Variants in GOSR1 observed in about 807,000 individuals in gnomAD.
The protein encoded by GOSR1 is golgi SNAP receptor complex member 1.
Under a neutral mutation model 35.5 loss-of-function variants are expected in GOSR1, and 21 were observed. The observed-to-expected ratio is 0.59, with a 90% CI of 0.42 to 0.85. The LOEUF is 0.85. Ranked by LOEUF, GOSR1 falls within the 40% of genes least tolerant of loss-of-function variation. The pLI is 0.00. For missense variants in GOSR1, 285 were observed against 309.6 expected, an observed-to-expected ratio of 0.92 and a Z score of 0.60; for synonymous variants, 94 against 106.6, an observed-to-expected ratio of 0.88 and a Z score of 0.73.
intron 7 of GOSR1, among the ~76,000 whole-genome samples, chr17:30,517,534 A>G (rs1967867140): frequency 1.3e-5 from 2 of 152,168 alleles, no homozygotes; most frequent in East Asian, 3.9e-4. Flanking sequence ...TAATAACCAA[A>G]GTATGGTTAT....
chr17:30,505,264 G>A (rs1967358207), intron 6 of GOSR1, among the ~76,000 whole-genome samples: 1 of 152,172 alleles, frequency 6.6e-6, no homozygotes, highest in Non-Finnish European at 1.5e-5. Flanking sequence ...GCCGGGTGTG[G>A]TGGCTTATGC....
At chr17:30,499,132 A>G (rs1406899120) in intron 6 of GOSR1, among the ~76,000 whole-genome samples, 1 of 152,130 alleles carries the variant, frequency 6.6e-6, no homozygotes, top group African/African-American at 2.4e-5. Context: ...CACCTAGCAT[A>G]GTGTTTCTAA....
chr17:30,495,599 A>G (rs1209803602), intron 6 of GOSR1: 12 of 330,232 alleles, frequency 3.6e-5, no homozygotes, highest in South Asian at 2.6e-4. Context: ...CACCTTAGCA[A>G]TCTTCTGCAT....
intron 6 of GOSR1, among the ~76,000 whole-genome samples, chr17:30,501,439 G>A (rs767908964): frequency 6.6e-6 from 1 of 151,992 alleles, no homozygotes; most frequent in Non-Finnish European, 1.5e-5. Flanking sequence ...CTCATTGCTG[G>A]TGTGAATGCA....
intron 1 of GOSR1, chr17:30,479,104 T>A (rs1282378905): frequency 6.6e-6 from 1 of 152,280 alleles, no homozygotes; most frequent in Admixed American, 6.5e-5. Context: ...AGTCAGTAAG[T>A]GGCTGTGCCG....
At chr17:30,486,213 C>T (rs1914673938) in intron 4 of GOSR1, among the ~76,000 whole-genome samples, 1 of 151,858 alleles carries the variant, frequency 6.6e-6, no homozygotes, top group African/African-American at 2.4e-5. Context: ...TGCAATTAGA[C>T]AGTAAAAAGA....
chr17:30,527,261 TAGG>T lies in GOSR1; in HGVS notation c.*4888_*4890del, dbSNP rs896831726. On this transcript the variant is annotated 3_prime_UTR_variant, in exon 9 of 9. Transcript: ENST00000451249. ...GTCCCAGCTACTCGGAAGGCTGAGGTAGGAGGATCATGAGCCCAGGAGGTCAAG... is the reference window on the plus strand; with the variant it reads ...GTCCCAGCTACTCGGAAGGCTGAGGTAGGATCATGAGCCCAGGAGGTCAAG... 42 of 152,124 alleles carry T rather than the reference TAGG, an allele frequency of 2.8e-4. No homozygotes were observed. The highest frequency in any genetic ancestry group is 9.4e-4 in the African/African-American group (39 of 41,474). 9.4% of individuals were successfully genotyped at this position (152,124 alleles called of 1,614,324 possible).
intron 6 of GOSR1, among the ~76,000 whole-genome samples, chr17:30,498,959 C>T (rs1316139511): frequency 6.6e-6 from 1 of 152,208 alleles, no homozygotes; most frequent in Non-Finnish European, 1.5e-5. Context: ...CACAGTAAGA[C>T]AGAGAACATT....
intron 6 of GOSR1, among the ~76,000 whole-genome samples, chr17:30,504,026 CTTT>C (rs535749512): frequency 1.4e-4 from 19 of 137,164 alleles, no homozygotes; most frequent in Admixed American, 2.2e-4. Flanking sequence ...TTTCATTTAA[CTTT>C]TTTTTTTTTT....
In GOSR1 at chr17:30,523,400, TGA is replaced by T. The variant is rs1451034481; in HGVS notation, c.*1024_*1025del. 6.1e-6 allele frequency: 1 copy of T among 164,856 alleles called. No homozygotes were observed. The highest frequency in any genetic ancestry group is 1.2e-5 in the Non-Finnish European group (1 of 80,514). 10.2% of individuals were successfully genotyped at this position (164,856 alleles called of 1,614,324 possible). A position where few individuals can be genotyped will look rare whatever the true frequency, so the allele number is the denominator to read the frequency against. On this transcript the variant is annotated 3_prime_UTR_variant, in exon 9 of 9. Transcript: ENST00000451249. ...CTGTCTGGCCACCCCGTCTGAGAAG[TGA>T]GGAGACCTCCGCCCGGCAGCCGCCC...
chr17:30,496,758 AT>A (rs1203337497), intron 6 of GOSR1, among the ~76,000 whole-genome samples: 2 of 152,224 alleles, frequency 1.3e-5, no homozygotes, highest in Non-Finnish European at 2.9e-5. Context: ...AATTGGTAAA[AT>A]TATTTTACTG....
At chr17:30,501,034 C>T (rs1227434583) in intron 6 of GOSR1, among the ~76,000 whole-genome samples, 3 of 152,018 alleles carry the variant, frequency 2.0e-5, no homozygotes, top group African/African-American at 4.8e-5. Flanking sequence ...GCGCCTGCCA[C>T]GACGCCCGGC....
Position 30,522,522 on chromosome 17 carries a change from A to G in GOSR1, c.*144A>G. 1.9e-6 allele frequency: 1 copy of G among 539,074 alleles called. No homozygotes were observed. The highest frequency in any genetic ancestry group is 3.1e-6 in the Non-Finnish European group (1 of 319,958). 33.4% of individuals were successfully genotyped at this position (539,074 alleles called of 1,614,324 possible). A position where few individuals can be genotyped will look rare whatever the true frequency, so the allele number is the denominator to read the frequency against. On this transcript the variant is annotated 3_prime_UTR_variant, in exon 9 of 9. Coordinates refer to ENST00000451249, the MANE Select transcript of GOSR1 (RefSeq NM_001007025.2). Reference sequence around the variant, plus strand: ...AAGACTGACAGTGATGGACTCTGTGACATGGTCAGGTTGAGCTGAAGCCAC... The same window carrying G: ...AAGACTGACAGTGATGGACTCTGTGGCATGGTCAGGTTGAGCTGAAGCCAC...
chr17:30,480,354 A>G (rs948421243), intron 1 of GOSR1, among the ~76,000 whole-genome samples: 10 of 152,244 alleles, frequency 6.6e-5, no homozygotes, highest in Admixed American at 3.3e-4. Context: ...GCTATTATGA[A>G]AAGAAGTTCA....
intron 6 of GOSR1, among the ~76,000 whole-genome samples, chr17:30,504,026 CTTTTTT>C (rs535749512): frequency 2.3e-4 from 31 of 137,222 alleles, no homozygotes; most frequent in African/African-American, 8.0e-4. Context: ...TTTCATTTAA[CTTTTTT>C]TTTTTTTTTT....
At position 30,481,144 on chromosome 17, in the gene GOSR1, T is replaced by A. The variant is rs779901990; in HGVS notation, c.33T>A (p.Asp11Glu). 10 of 1,588,282 alleles carry A rather than the reference T, an allele frequency of 6.3e-6. No homozygotes were observed. In the African/African-American group the frequency reaches 1.3e-4, roughly 21 times the overall value. MAAGTSSYWE[D>E]LRKQARQLEN... is the part of the protein sequence containing the mutation. Reference sequence around the variant, plus strand: ...TTTGTTGTTATAATTTTGTTAAAGATCTCAGGAAACAGGCTCGACAGCTGG... The same window carrying A: ...TTTGTTGTTATAATTTTGTTAAAGAACTCAGGAAACAGGCTCGACAGCTGG... Residue 11 changes from aspartate (D) to glutamate (E), a missense_variant and splice_region_variant, in exon 2 of 9, where the codon GAT (aspartate) becomes GAA (glutamate). Physicochemically the swap from Asp to Glu is conservative, Grantham distance 45 (BLOSUM62 2). This residue lies in a region of GOSR1 where 108 missense variants were observed against 98.9 expected (regional missense o/e 1.09). Transcript: ENST00000451249.
At chr17:30,516,673 A>C (rs1487914894) in intron 7 of GOSR1, among the ~76,000 whole-genome samples, 1 of 152,096 alleles carries the variant, frequency 6.6e-6, no homozygotes, top group Non-Finnish European at 1.5e-5. Flanking sequence ...TTAATCACTC[A>C]ATATGTTATA....
intron 4 of GOSR1, among the ~76,000 whole-genome samples, chr17:30,489,213 A>G (rs1339247448): frequency 1.3e-5 from 2 of 152,016 alleles, no homozygotes; most frequent in Non-Finnish European, 2.9e-5. Context: ...GTGAAACTCC[A>G]TCTCTATTAA....
intron 5 of GOSR1, among the ~76,000 whole-genome samples, chr17:30,491,802 A>G (rs1399108386): frequency 6.6e-6 from 1 of 152,246 alleles, no homozygotes; most frequent in Non-Finnish European, 1.5e-5. Flanking sequence ...TGGTTAAGAT[A>G]GAAATGATCA....
Sources: gnomAD v4.1 joint callset for allele counts (sites outside exome capture counted in the v4.1 genomes callset) on GRCh38, gnomAD v4.1.1 for gene constraint, gnomAD v4.1.1 regional missense constraint, MANE v1.5 for transcripts, NCBI Gene and HGNC (gene_info 2026-07-23, HGNC 2026-07-21) for gene names.